Variants in DPP10 observed in about 807,000 individuals in gnomAD.
DPP10 encodes the protein inactive dipeptidyl peptidase 10.
A neutral mutation model predicts 120.9 loss-of-function variants in DPP10; 33 were observed. The observed-to-expected ratio is 0.27, with a 90% CI of 0.21 to 0.37. The LOEUF (loss-of-function observed/expected upper bound fraction) is 0.37. Among genes scored for constraint, DPP10 ranks in the 10% least tolerant of loss-of-function variants. The pLI, the probability that DPP10 is intolerant of heterozygous loss-of-function variation, is 1.00. For synonymous variants in DPP10, 337 were observed against 326.1 expected, an observed-to-expected ratio of 1.03 and a Z score of -0.36; for missense variants, 816 against 942.8, an observed-to-expected ratio of 0.87 and a Z score of 1.76.
At chr2:114,955,411 T>C (rs1698127723) in intron 1 of DPP10, among the ~76,000 whole-genome samples, 1 of 152,200 alleles carries the variant, frequency 6.6e-6, no homozygotes, top group Non-Finnish European at 1.5e-5. Context: ...CGTCCGATAA[T>C]GCAGCCCAGT....
intron 1 of DPP10, among the ~76,000 whole-genome samples, chr2:115,220,301 T>C (rs2057070035): frequency 6.6e-6 from 1 of 152,184 alleles, no homozygotes; most frequent in Admixed American, 6.6e-5. Flanking sequence ...GAAGTCTGTC[T>C]TTATGAGTCA....
intron 1 of DPP10, among the ~76,000 whole-genome samples, chr2:114,624,270 T>G (rs943715027): frequency 1.3e-5 from 2 of 151,880 alleles, no homozygotes; most frequent in Non-Finnish European, 2.9e-5. Flanking sequence ...TGGGTCAAAA[T>G]TCTAGAGCCA....
At chr2:115,802,584 C>T (rs942349138) in intron 19 of DPP10, among the ~76,000 whole-genome samples, 8 of 152,152 alleles carry the variant, frequency 5.3e-5, no homozygotes, top group African/African-American at 1.9e-4. Context: ...ATAAATTTCC[C>T]TCTACACACT....
intron 1 of DPP10, among the ~76,000 whole-genome samples, chr2:114,917,984 G>A (rs1373145397): frequency 2.0e-5 from 3 of 152,118 alleles, no homozygotes; most frequent in African/African-American, 7.2e-5. Flanking sequence ...AAGAGCTTCT[G>A]CACAGCAAAA....
intron 7 of DPP10, among the ~76,000 whole-genome samples, chr2:115,699,045 A>G (rs2091757476): frequency 7.0e-6 from 1 of 142,304 alleles, no homozygotes; most frequent in South Asian, 2.3e-4. Context: ...ACAAAAAAAA[A>G]AAAACAAGAG....
intron 1 of DPP10, among the ~76,000 whole-genome samples, chr2:115,080,615 G>C (rs1708195782): frequency 1.3e-5 from 2 of 152,160 alleles, no homozygotes; most frequent in Non-Finnish European, 2.9e-5. Flanking sequence ...GAGACCATAA[G>C]GCATGCAAAG....
At chr2:114,590,607 G>C (rs750065356) in intron 1 of DPP10, among the ~76,000 whole-genome samples, 2 of 152,096 alleles carry the variant, frequency 1.3e-5, no homozygotes, top group Non-Finnish European at 2.9e-5. Flanking sequence ...AGTTTCAATG[G>C]TATAAATACT....
At chr2:114,588,772 G>T (rs1048376723) in intron 1 of DPP10, among the ~76,000 whole-genome samples, 1 of 152,086 alleles carries the variant, frequency 6.6e-6, no homozygotes, top group East Asian at 1.9e-4. Context: ...AACAGTTGGT[G>T]CAGTGGTTGA....
intron 1 of DPP10, among the ~76,000 whole-genome samples, chr2:114,473,264 C>T (rs1294827054): frequency 6.6e-6 from 1 of 152,070 alleles, no homozygotes; most frequent in Non-Finnish European, 1.5e-5. Context: ...TGTATGGTAG[C>T]CATTGCTATT....
chr2:114,965,964 C>CAAAAAA (rs57107624), intron 1 of DPP10, among the ~76,000 whole-genome samples: 8 of 74,806 alleles, frequency 1.1e-4, no homozygotes, highest in Admixed American at 2.0e-4. Context: ...GACTCCTTCT[C>CAAAAAA]AAAAAAAAAA....
intron 3 of DPP10, among the ~76,000 whole-genome samples, chr2:115,375,440 A>G (rs925805975): frequency 3.3e-5 from 5 of 152,302 alleles, no homozygotes; most frequent in African/African-American, 9.6e-5. Context: ...GGTGGAAACA[A>G]TTAAACAAGT....
In DPP10 at chr2:115,777,233, G is replaced by A. The variant is rs762623513; in HGVS notation, c.1247G>A (p.Arg416Gln). The A allele has an allele frequency of 1.3e-5, 21 of 1,612,622 alleles. No homozygotes were observed. The highest frequency in any genetic ancestry group is 7.7e-5 in the South Asian group (7 of 91,028). ...AGTAAAAGTGAGCAAATTACCGTGCGGCATCTGACATCAGGAAACTGGGAA... is the reference window on the plus strand; with the variant it reads ...AGTAAAAGTGAGCAAATTACCGTGCAGCATCTGACATCAGGAAACTGGGAA... ...IQSKSEQITV[R>Q]HLTSGNWEVI... The change falls in exon 14 of 26, where the codon CGG (arginine) becomes CAG (glutamine). Residue 416 changes from arginine to glutamine, a missense_variant. Arg to Gln is a conservative substitution (Grantham distance 43, BLOSUM62 1). Coordinates refer to ENST00000410059, the MANE Select transcript of DPP10 (RefSeq NM_020868.6).
intron 1 of DPP10, among the ~76,000 whole-genome samples, chr2:114,626,305 G>A (rs899997562): frequency 1.3e-5 from 2 of 151,544 alleles, no homozygotes; most frequent in African/African-American, 4.9e-5. Context: ...TGAAAATACT[G>A]TGCTTTATAA....
chr2:115,362,659 TC>T (rs927203318), intron 3 of DPP10, among the ~76,000 whole-genome samples: 63 of 152,248 alleles, frequency 4.1e-4, no homozygotes, highest in African/African-American at 1.5e-3. Context: ...AAAAATAACC[TC>T]TAAGTTCAAC....
rs541177525 is a variant in DPP10 at position 114,937,019 on chromosome 2, A to G, written c.61-372220A>G. On this transcript the variant is annotated intron_variant, in intron 1 of 25. Coordinates refer to ENST00000410059, the MANE Select transcript of DPP10 (RefSeq NM_020868.6). ...TCCTTTGTCGGATGTATAGATTGTG[A>G]AGATTTTTTTCTCACTCTGTGGGTT... 3.3e-5 allele frequency among the ~76,000 whole-genome samples: 5 copies of G among 152,202 alleles called. No homozygotes were observed. The South Asian group carries it at 1.0e-3, about 32-fold the overall frequency.
At chr2:115,401,906 AATT>A (rs1559547483) in intron 3 of DPP10, among the ~76,000 whole-genome samples, 1 of 152,118 alleles carries the variant, frequency 6.6e-6, no homozygotes, top group Non-Finnish European at 1.5e-5. Flanking sequence ...GAAAAAAAAA[AATT>A]CAAAACATCT....
intron 1 of DPP10, among the ~76,000 whole-genome samples, chr2:114,743,574 A>G (rs1196168811): frequency 6.6e-6 from 1 of 152,182 alleles, no homozygotes; most frequent in Non-Finnish European, 1.5e-5. Context: ...GAATCCTGTA[A>G]AAGTGTATCA....
At chr2:114,639,243 T>C (rs1010832134) in intron 1 of DPP10, among the ~76,000 whole-genome samples, 3 of 151,844 alleles carry the variant, frequency 2.0e-5, no homozygotes, top group Non-Finnish European at 4.4e-5. Context: ...CAAGAGAGTG[T>C]GTGCAGAGAA....
intron 1 of DPP10, among the ~76,000 whole-genome samples, chr2:114,518,920 T>G (rs952346789): frequency 6.6e-6 from 1 of 152,192 alleles, no homozygotes; most frequent in Non-Finnish European, 1.5e-5. Flanking sequence ...GGCTGGGTAG[T>G]AAGGTCAGCA....
Sources: allele counts gnomAD v4.1 joint callset (sites outside exome capture counted in the v4.1 genomes callset), GRCh38; gene constraint gnomAD v4.1.1; transcripts MANE v1.5; gene names NCBI Gene and HGNC (gene_info 2026-07-23, HGNC 2026-07-21).